The following PLCG2 variants were observed in gnomAD, a reference collection of about 807,000 sequenced individuals.
The protein encoded by PLCG2 is phospholipase C gamma 2, also known as 1-phosphatidylinositol 4,5-bisphosphate phosphodiesterase gamma-2.
PLCG2 carries 69 observed loss-of-function variants against 175.6 expected under a neutral mutation model. The ratio of observed to expected loss-of-function variants is 0.39; its 90% CI spans 0.32 to 0.48. The LOEUF is 0.48. Ranked by LOEUF, PLCG2 falls within the 20% of genes least tolerant of loss-of-function variation. The pLI, the probability that PLCG2 is intolerant of heterozygous loss-of-function variation, is 0.91. For missense variants in PLCG2, 1,798 were observed against 1,650.9 expected, an observed-to-expected ratio of 1.09 and a Z score of -1.54; for synonymous variants, 827 against 624.0, an observed-to-expected ratio of 1.33 and a Z score of -4.85.
At chr16:81,792,377 G>A (rs1456651666) in intron 2 of PLCG2, among the ~76,000 whole-genome samples, 1 of 149,660 alleles carries the variant, frequency 6.7e-6, no homozygotes, top group Non-Finnish European at 1.5e-5. Context: ...AGCTACTTGG[G>A]AGGCTGAGGC....
intron 13 of PLCG2, 44 bp downstream of exon 13, chr16:81,895,971 C>A (rs1291924278): frequency 5.0e-6 from 8 of 1,611,950 alleles, no homozygotes; most frequent in Non-Finnish European, 5.9e-6. Context: ...AAGGGGAAGG[C>A]AGCTAGGGTT....
intron 2 of PLCG2, among the ~76,000 whole-genome samples, chr16:81,822,727 CT>C (rs1904855285): frequency 2.3e-5 from 3 of 129,160 alleles, no homozygotes; most frequent in East Asian, 4.4e-4. Flanking sequence ...TGCCGCTGCA[CT>C]CCAGCCTGGG....
chr16:81,896,592 C>CA (rs1309132085), intron 13 of PLCG2, among the ~76,000 whole-genome samples: 1 of 151,618 alleles, frequency 6.6e-6, no homozygotes, highest in East Asian at 1.9e-4. Flanking sequence ...GAAAAAAACC[C>CA]AAAAAAACAA....
At chr16:81,808,883 G>A (rs1475393529) in intron 2 of PLCG2, among the ~76,000 whole-genome samples, 1 of 152,196 alleles carries the variant, frequency 6.6e-6, no homozygotes, top group African/African-American at 2.4e-5. Context: ...AGAGCATGCT[G>A]GAGGGGCTCC....
At chr16:81,866,763 G>A (rs924787463) in intron 5 of PLCG2, among the ~76,000 whole-genome samples, 1 of 151,934 alleles carries the variant, frequency 6.6e-6, no homozygotes, top group African/African-American at 2.4e-5. Flanking sequence ...CCCAGGATGG[G>A]CTCCACTGGG....
intron 2 of PLCG2, among the ~76,000 whole-genome samples, chr16:81,801,276 C>A (rs902409361): frequency 1.3e-5 from 2 of 152,080 alleles, no homozygotes; most frequent in African/African-American, 4.8e-5. Context: ...CATAAGTACC[C>A]TTCCCTCCCT....
chr16:81,917,631 G>A (rs1202448966), intron 19 of PLCG2, among the ~76,000 whole-genome samples: 1 of 152,188 alleles, frequency 6.6e-6, no homozygotes, highest in Non-Finnish European at 1.5e-5. Flanking sequence ...TTTATCTGAT[G>A]ATTAGTGATG....
At chr16:81,747,762 A>T (rs1176413130) in intron 1 of PLCG2, among the ~76,000 whole-genome samples, 1 of 152,200 alleles carries the variant, frequency 6.6e-6, no homozygotes, top group African/African-American at 2.4e-5. Flanking sequence ...AATTCAAGTT[A>T]AGAGAGATTT....
intron 2 of PLCG2, among the ~76,000 whole-genome samples, chr16:81,771,536 C>T (rs975492379): frequency 6.6e-6 from 1 of 152,144 alleles, no homozygotes; most frequent in African/African-American, 2.4e-5. Context: ...AGGATTAGCC[C>T]TTGCCTGATT....
chr16:81,932,702 T>C (rs975622319), intron 25 of PLCG2, among the ~76,000 whole-genome samples: 1 of 152,234 alleles, frequency 6.6e-6, no homozygotes, highest in Admixed American at 6.5e-5. Context: ...GGAAGTGTCC[T>C]CTTTAGGAGA....
chr16:81,839,199 G>A (rs372457210), intron 2 of PLCG2, among the ~76,000 whole-genome samples: 4 of 152,000 alleles, frequency 2.6e-5, no homozygotes, highest in African/African-American at 9.7e-5. Context: ...AGGTGAAAAC[G>A]GTGAGTTGAT....
chr16:81,814,852 A>C (rs1904468816), intron 2 of PLCG2, among the ~76,000 whole-genome samples: 1 of 152,206 alleles, frequency 6.6e-6, no homozygotes, highest in South Asian at 2.1e-4. Context: ...AGTGGGGATT[A>C]TGATGATCCT....
chr16:81,800,087 C>T (rs76520449), intron 2 of PLCG2, among the ~76,000 whole-genome samples: 2,683 of 152,176 alleles, frequency 0.018, 91 homozygotes, highest in African/African-American at 0.059. Flanking sequence ...ATAATGGTAC[C>T]TATTACACTG....
chr16:81,789,844 G>C (rs1232149839), intron 2 of PLCG2, among the ~76,000 whole-genome samples: 38 of 132,762 alleles, frequency 2.9e-4, no homozygotes, highest in East Asian at 9.2e-4. Context: ...TCCCACCTTT[G>C]CCCCCCCTCC....
rs576321530 is a variant in PLCG2, at chr16:81,763,839, C to A, written c.-48+7873C>A. 5.6e-4 allele frequency among the ~76,000 whole-genome samples: 85 copies of A among 151,678 alleles called. 2 individuals are homozygous for A. Among genetic ancestry groups the A allele is most frequent in the African/African-American group, 2.0e-3 (83 of 41,326 alleles). On this transcript the variant is annotated intron_variant, in intron 2 of 5. Coordinates refer to the PLCG2 transcript ENST00000565054. ...AAAATTAGCTGGGCGTGGTGGCAGG[C>A]ACTTGTAATCTCAGCTACTCGGGAG... is the stretch of plus-strand genomic sequence containing the variant.
At chr16:81,761,689 C>T (rs1391120453) in intron 2 of PLCG2, among the ~76,000 whole-genome samples, 1 of 152,158 alleles carries the variant, frequency 6.6e-6, no homozygotes, top group African/African-American at 2.4e-5. Flanking sequence ...CCATATCTAG[C>T]TCATTGTATT....
upstream of PLCG2, among the ~76,000 whole-genome samples, chr16:81,778,037 AAAAAAC>A: frequency 1.3e-5 from 1 of 78,702 alleles, no homozygotes; most frequent in African/African-American, 5.9e-5. Context: ...AAAAACAAAA[AAAAAAC>A]AAAAAAAAAA....
chr16:81,809,173 C>G (rs543980064), intron 2 of PLCG2, among the ~76,000 whole-genome samples: 25 of 152,236 alleles, frequency 1.6e-4, no homozygotes, highest in Non-Finnish European at 2.5e-4. Flanking sequence ...CACTCTTGGC[C>G]TGACCTTATC....
intron 18 of PLCG2, among the ~76,000 whole-genome samples, chr16:81,911,102 A>G (rs1473972869): frequency 6.6e-6 from 1 of 152,090 alleles, no homozygotes; most frequent in Non-Finnish European, 1.5e-5. Context: ...GATTTTTTTT[A>G]TCTAGTGAAA....
Sources: allele counts gnomAD v4.1 joint callset (sites outside exome capture counted in the v4.1 genomes callset), GRCh38; gene constraint gnomAD v4.1.1; transcripts MANE v1.5; gene names NCBI Gene and HGNC (gene_info 2026-07-23, HGNC 2026-07-21).